Variants in PKD1L1 observed in about 807,000 individuals in gnomAD.
PKD1L1 encodes the protein polycystin-1-like protein 1.
Under a neutral mutation model 323.4 loss-of-function variants are expected in PKD1L1, and 236 were observed. The observed-to-expected ratio is 0.73, with a 90% CI of 0.66 to 0.81. The LOEUF (loss-of-function observed/expected upper bound fraction) is 0.81. PKD1L1 is among the 40% of genes least tolerant of loss of function. PKD1L1 has a pLI of 0.00. For synonymous variants in PKD1L1, 1,344 were observed against 1,335.0 expected (o/e 1.01, Z -0.15); for missense variants, 3,320 against 3,508.0 (o/e 0.95, Z 1.35).
intron 41 of PKD1L1, among the ~76,000 whole-genome samples, chr7:47,832,347 TG>T (rs1785364394): frequency 6.6e-6 from 1 of 152,214 alleles, no homozygotes; most frequent in African/African-American, 2.4e-5. Flanking sequence ...GTTTCCCTTC[TG>T]ATCTACTGCT....
At chr7:47,960,425 T>C in the PKD1L1 span, among the ~76,000 whole-genome samples, 1 of 129,528 alleles carries the variant, frequency 7.7e-6, no homozygotes, top group Non-Finnish European at 1.7e-5. Context: ...GAGCTCCATA[T>C]TTACAGCTGT....
At position 47,866,459 on chromosome 7, in the gene PKD1L1, G is replaced by A; in HGVS notation, c.4052C>T (p.Ala1351Val). ...CAATCTGCATACTGAAGAAATTAATGCATCCTGTATTCGTGACCATTGGTT... is the reference window on the plus strand; with the variant it reads ...CAATCTGCATACTGAAGAAATTAATACATCCTGTATTCGTGACCATTGGTT... ...SCNQWSRIQD[A>V]LISSVCRLAF... Residue 1351 changes from alanine (A) to valine (V), a missense_variant, in exon 25 of 57, where the codon GCA becomes GTA. Coordinates refer to ENST00000289672, the MANE Select transcript of PKD1L1 (RefSeq NM_138295.5). 6.2e-7 allele frequency: 1 copy of A among 1,613,664 alleles called. No individual in the cohort carries two copies. Among genetic ancestry groups the A allele is most frequent in the Non-Finnish European group, 8.5e-7 (1 of 1,179,858 alleles).
At chr7:47,867,067 T>C (rs2167877) in intron 24 of PKD1L1, among the ~76,000 whole-genome samples, 55,566 of 152,078 alleles carry the variant, frequency 0.37, 11,620 homozygotes, top group African/African-American at 0.57. Flanking sequence ...AAGGCCAGTT[T>C]CAGCCCTTGT....
intron 36 of PKD1L1, among the ~76,000 whole-genome samples, chr7:47,838,040 C>T (rs1435276456): frequency 8.5e-5 from 13 of 152,196 alleles, no homozygotes; most frequent in Non-Finnish European, 1.5e-4. Context: ...GGATAAGCAA[C>T]GTATGTCTCC....
intron 4 of PKD1L1, among the ~76,000 whole-genome samples, chr7:47,933,738 A>C (rs1436191193): frequency 1.3e-5 from 2 of 152,196 alleles, no homozygotes; most frequent in Admixed American, 1.3e-4. Flanking sequence ...TGTTGAATAA[A>C]TAAATAAATA....
rs944907963 is a variant in PKD1L1, at chr7:47,829,443, A to G, written c.6717T>C (p.Cys2239=). 1.9e-6 allele frequency: 3 copies of G among 1,609,680 alleles called. No homozygotes were observed. The highest frequency in any genetic ancestry group is 1.3e-5 in the African/African-American group (1 of 74,568). Residue 2239 remains cysteine, a synonymous_variant, in exon 44 of 57, where the codon TGT becomes TGC. Coordinates refer to ENST00000289672, the MANE Select transcript of PKD1L1 (RefSeq NM_138295.5). ...TTTTTACTTTTTCAACCTCGCCTGCACAGTCAGGAATACTGCAGCTTGAAG... is the reference window on the plus strand; with the variant it reads ...TTTTTACTTTTTCAACCTCGCCTGCGCAGTCAGGAATACTGCAGCTTGAAG... The part of the protein sequence containing the change: ...PFSSSCSIPD[C]AGEVEKVLAA...
At position 47,915,505 on chromosome 7, in the gene PKD1L1, T is replaced by C. The variant is rs769442016; in HGVS notation, c.1155A>G (p.Gln385=). The C allele has an allele frequency of 4.2e-6, 6 of 1,438,856 alleles. No individual in the cohort carries two copies. In the Admixed American group the frequency reaches 6.7e-5, roughly 16 times the overall value. 89.1% of individuals were successfully genotyped at this position (1,438,856 alleles called of 1,614,324 possible). A position where few individuals can be genotyped will look rare whatever the true frequency, so the allele number is the denominator to read the frequency against. Residue 385 remains glutamine, a synonymous_variant, in exon 8 of 57, where the codon CAA becomes CAG. Transcript: ENST00000289672. The stretch of plus-strand genomic sequence containing the variant: ...AGTCTTCCAGGCAGCTGTTTTCACT[T>C]TGGCACAAGTAAACATTTAAAGTTG... The part of the protein sequence containing the change: ...QNTTLNVYLC[Q]SENSCLEDSD...
chr7:47,905,295 AAC>A lies in PKD1L1; in HGVS notation c.1551_1552del (p.Phe518CysfsTer21). 1 of 1,614,144 alleles carries A rather than the reference AAC, an allele frequency of 6.2e-7. No homozygotes were observed. The highest frequency in any genetic ancestry group is 8.5e-7 in the Non-Finnish European group (1 of 1,180,028). Reference sequence around the variant, plus strand: ...AAATGTAATGTCTGTGTCTGTGGCAAACACAGTTCCATTTGTGTAGACAGAGA... The same window carrying A: ...AAATGTAATGTCTGTGTCTGTGGCAAACAGTTCCATTTGTGTAGACAGAGA... On this transcript the variant is annotated frameshift_variant, in exon 11 of 57. Transcript: ENST00000289672. LOFTEE classifies it high-confidence loss of function.
intron 19 of PKD1L1, among the ~76,000 whole-genome samples, chr7:47,882,822 A>C (rs567972863): frequency 8.5e-5 from 13 of 152,216 alleles, no homozygotes; most frequent in African/African-American, 3.1e-4. Context: ...TCAGGAGAGT[A>C]ACAACAGCCT....
chr7:47,867,109 G>A (rs562353342), intron 24 of PKD1L1, among the ~76,000 whole-genome samples: 2 of 152,326 alleles, frequency 1.3e-5, no homozygotes, highest in East Asian at 3.9e-4. Context: ...GAGCACAAGA[G>A]TATTGTTTAA....
At chr7:47,796,814 T>G (rs1784547122) in intron 54 of PKD1L1, among the ~76,000 whole-genome samples, 3 of 133,532 alleles carry the variant, frequency 2.2e-5, no homozygotes, top group South Asian at 5.2e-4. Flanking sequence ...GGTGAAACCC[T>G]GTCTCTCCTA....
chr7:47,956,414 G>T, the PKD1L1 span, among the ~76,000 whole-genome samples: 2 of 152,172 alleles, frequency 1.3e-5, no homozygotes, highest in Non-Finnish European at 2.9e-5. Flanking sequence ...AAAGAATGGG[G>T]GTGGGGCTCA....
rs558632278 is a variant in PKD1L1 at position 47,895,352 on chromosome 7, G to A, written c.2272-1293C>T. Among the ~76,000 whole-genome samples the A allele has an allele frequency of 4.6e-5, 7 of 152,302 alleles. No individual in the cohort carries two copies. In the East Asian group the frequency reaches 9.6e-4, roughly 21 times the overall value. On this transcript the variant is annotated intron_variant, in intron 14 of 56. Coordinates refer to ENST00000289672, the MANE Select transcript of PKD1L1 (RefSeq NM_138295.5). ...CATTACCTGGCCTGTCCCATAGGCTGGACACATCTTCTATGGCTTGCTGGG... is the reference window on the plus strand; with the variant it reads ...CATTACCTGGCCTGTCCCATAGGCTAGACACATCTTCTATGGCTTGCTGGG...
rs545851871 is a variant in PKD1L1, at chr7:47,800,947, C to T, written c.7963-68G>A. 4.9e-5 allele frequency: 69 copies of T among 1,398,168 alleles called. No individual in the cohort carries two copies. The African/African-American group carries it at 5.7e-4, about 12-fold the overall frequency. 86.6% of individuals were successfully genotyped at this position (1,398,168 alleles called of 1,614,324 possible). A position where few individuals can be genotyped will look rare whatever the true frequency, so the allele number is the denominator to read the frequency against. ...TCTTAGGAGTGGAAGACTCAACTTC[C>T]AAATGTTGAAAATAGAGACAAACTT... is the stretch of plus-strand genomic sequence containing the variant. On this transcript the variant is annotated intron_variant, in intron 53 of 56. Coordinates refer to ENST00000289672, the MANE Select transcript of PKD1L1 (RefSeq NM_138295.5).
intron 8 of PKD1L1, among the ~76,000 whole-genome samples, chr7:47,909,386 G>A (rs772001639): frequency 1.3e-5 from 2 of 152,052 alleles, no homozygotes; most frequent in South Asian, 2.1e-4. Context: ...CTGCTCAGAC[G>A]GCCGGTCTCC....
chr7:47,795,675 A>T (rs147238696), intron 55 of PKD1L1, among the ~76,000 whole-genome samples: 18 of 152,270 alleles, frequency 1.2e-4, no homozygotes, highest in Admixed American at 2.6e-4. Flanking sequence ...CAAATGACTA[A>T]CTCAGGGGAC....
the PKD1L1 span, among the ~76,000 whole-genome samples, chr7:47,959,862 G>C: frequency 1.3e-5 from 2 of 151,392 alleles, no homozygotes. Context: ...ACCCCGTCTG[G>C]GAGGTGTACC....
chr7:47,789,848 T>A (rs1041723166), intron 56 of PKD1L1, among the ~76,000 whole-genome samples: 4 of 152,174 alleles, frequency 2.6e-5, no homozygotes, highest in Non-Finnish European at 4.4e-5. Flanking sequence ...TAGTAAATAC[T>A]ATCCATTTTT....
At chr7:47,845,725 G>T (rs1036554412) in intron 32 of PKD1L1, among the ~76,000 whole-genome samples, 12 of 152,126 alleles carry the variant, frequency 7.9e-5, no homozygotes, top group Admixed American at 5.9e-4. Context: ...AAGTAACTGG[G>T]ATTGCAGGTG....
Sources: gnomAD v4.1 joint callset for allele counts (sites outside exome capture counted in the v4.1 genomes callset) on GRCh38, gnomAD v4.1.1 for gene constraint, MANE v1.5 for transcripts, NCBI Gene and HGNC (gene_info 2026-07-23, HGNC 2026-07-21) for gene names.